The following PCNT variants were observed in gnomAD, a reference collection of about 807,000 sequenced individuals.
PCNT encodes kendrin.
PCNT carries 319 observed loss-of-function variants against 380.4 expected under a neutral mutation model. That is an observed-to-expected ratio of 0.84 (90% CI 0.77 to 0.92). PCNT has a LOEUF of 0.92. PCNT is among the 40% of genes least tolerant of loss of function. The probability of loss-of-function intolerance (pLI) is 0.00; values close to 1 mark genes in which losing one functional copy is unlikely to be tolerated. For synonymous variants in PCNT, 1,845 were observed against 1,735.2 expected, an observed-to-expected ratio of 1.06 and a Z score of -1.57; for missense variants, 4,400 against 4,255.3, an observed-to-expected ratio of 1.03 and a Z score of -0.95.
chr21:46,398,173 A>G (rs1376043063), intron 23 of PCNT, 43 bp downstream of exon 23: 6 of 1,606,924 alleles, frequency 3.7e-6, no homozygotes, highest in Non-Finnish European at 5.1e-6. Flanking sequence ...GCTGTCTTTC[A>G]CTGTGTTTTT....
chr21:46,358,447 G>A (rs2084558818), intron 13 of PCNT, among the ~76,000 whole-genome samples: 1 of 152,226 alleles, frequency 6.6e-6, no homozygotes, highest in African/African-American at 2.4e-5. Flanking sequence ...GTGTTGGTAA[G>A]GACTTCCAGC....
intron 15 of PCNT, among the ~76,000 whole-genome samples, chr21:46,377,979 G>A (rs937276953): frequency 1.3e-5 from 2 of 152,064 alleles, no homozygotes; most frequent in Non-Finnish European, 2.9e-5. Flanking sequence ...GTGTGCCCTC[G>A]GTGTCCGCGG....
intron 10 of PCNT, 50 bp downstream of exon 10, chr21:46,353,376 G>A: frequency 6.8e-7 from 1 of 1,470,394 alleles, no homozygotes; most frequent in South Asian, 1.1e-5. Context: ...ACAGGGGCCA[G>A]GCTCTGAGTT....
At chr21:46,324,761 T>A (rs1381139269) in intron 1 of PCNT, 1 of 530,594 alleles carries the variant, frequency 1.9e-6, no homozygotes, top group Non-Finnish European at 2.4e-6. Flanking sequence ...TTCGGGTGGC[T>A]GCTTGGTCTA....
rs2064671624 is a variant in PCNT at position 46,445,425 on chromosome 21, C to G, written c.*98C>G. ...AGCTCGTGGGACAGCATGGGCACTACTCTTCATGTGCGGTGACACCAGCCC... is the reference window on the plus strand; with the variant it reads ...AGCTCGTGGGACAGCATGGGCACTAGTCTTCATGTGCGGTGACACCAGCCC... On this transcript the variant is annotated 3_prime_UTR_variant, in exon 47 of 47. Coordinates refer to ENST00000359568, the MANE Select transcript of PCNT (RefSeq NM_006031.6). 2 of 928,664 alleles carry G rather than the reference C, an allele frequency of 2.2e-6. No homozygotes were observed. The highest frequency in any genetic ancestry group is 1.3e-5 in the South Asian group (1 of 77,400). 57.5% of individuals were successfully genotyped at this position (928,664 alleles called of 1,614,324 possible).
At chr21:46,442,422 C>A in intron 43 of PCNT, 75 bp from the exon 44 acceptor site, 2 of 901,614 alleles carry the variant, frequency 2.2e-6, no homozygotes, top group Non-Finnish European at 3.6e-6. Context: ...TGTTTGGTCA[C>A]AGTGGGGTTT....
Position 46,349,150 on chromosome 21 carries a change from T to C in PCNT, c.1171T>C (p.Leu391=), listed in dbSNP as rs187372555. 2.4e-5 allele frequency: 38 copies of C among 1,613,712 alleles called. 1 individual carries two copies. Among genetic ancestry groups the C allele is most frequent in the African/African-American group, 5.3e-5 (4 of 74,924 alleles). ...QKELAEQRAE[L]EKIFQDKNQA... ...AGAATTGGCAGAACAGAGAGCTGAG[T>C]TGGAGAAGATTTTTCAAGACAAAAA... is the stretch of plus-strand genomic sequence containing the variant. The change falls in exon 7 of 47, where the codon TTG becomes CTG. Residue 391 remains leucine (L), a synonymous_variant. Transcript: ENST00000359568.
Position 46,389,182 on chromosome 21 carries a change from A to G in PCNT, c.3608-17A>G, listed in dbSNP as rs1470663386. The G allele has an allele frequency of 6.2e-7, 1 of 1,610,992 alleles. No homozygotes were observed. The highest frequency in any genetic ancestry group is 1.1e-5 in the South Asian group (1 of 91,000). ...TGCTCACTGAGCCGCGTGTGCCGGC[A>G]TCTGCTCATCTTGTAGCTCCGGCGC... On this transcript the variant is annotated splice_polypyrimidine_tract_variant and intron_variant, in intron 18 of 46. Transcript: ENST00000359568.
At chr21:46,418,481 G>C (rs919830450) in intron 31 of PCNT, among the ~76,000 whole-genome samples, 175 bp downstream of exon 31, 2 of 152,178 alleles carry the variant, frequency 1.3e-5, no homozygotes, top group Non-Finnish European at 2.9e-5. Context: ...CTGAAAACAC[G>C]CCTGTACCTT....
At position 46,326,468 on chromosome 21, in the gene PCNT, C is replaced by G. The variant is rs754463655; in HGVS notation, c.146C>G (p.Ser49Cys). 2 of 1,614,236 alleles carry G rather than the reference C, an allele frequency of 1.2e-6. No individual in the cohort carries two copies. The highest frequency in any genetic ancestry group is 4.5e-5 in the East Asian group (2 of 44,892). Residue 49 changes from serine (S) to cysteine (C), a missense_variant, in exon 2 of 47, where the codon TCT (serine) becomes TGT (cysteine). Ser to Cys is a moderately radical substitution (Grantham distance 112). Transcript: ENST00000359568. ...AGGAAGGGCTCGGCTGTCGATGCGT[C>G]TGTCCAGGAGGAGAGTCCGGTAACC... ...AKRKGSAVDASVQEESPVTKE... is the reference protein window; with the variant it reads ...AKRKGSAVDACVQEESPVTKE...
chr21:46,401,781 C>T, intron 26 of PCNT, 60 bp downstream of exon 26: 5 of 1,519,044 alleles, frequency 3.3e-6, no homozygotes, highest in East Asian at 2.3e-5. Context: ...GTGGGCTTCT[C>T]TGTGGCAGAT....
In PCNT at chr21:46,411,931, G is replaced by A. The variant is rs34268261; in HGVS notation, c.5858G>A (p.Arg1953His). The change falls in exon 28 of 47, where the codon CGC (arginine) becomes CAC (histidine). Residue 1953 changes from arginine (R) to histidine (H), a missense_variant. Arg to His is a conservative substitution (Grantham distance 29). Coordinates refer to ENST00000359568, the MANE Select transcript of PCNT (RefSeq NM_006031.6). ...CQVELDRRQA[R>H]RATAHTRVPG... ...GTGGAGCTGGACAGGCGGCAGGCCCGCAGAGCCACAGCTCACACACGGGTG... is the reference window on the plus strand; with the variant it reads ...GTGGAGCTGGACAGGCGGCAGGCCCACAGAGCCACAGCTCACACACGGGTG... 86,111 of 1,592,096 alleles carry A rather than the reference G, an allele frequency of 0.054. 2,654 individuals are homozygous for A. The highest frequency in any genetic ancestry group is 0.061 in the Non-Finnish European group (71,574 of 1,176,900).
chr21:46,367,123 T>C lies in PCNT; in HGVS notation c.3149T>C (p.Leu1050Pro), dbSNP rs1396312660. ...CTCGCCGGAACCGTGGCTCACGAGC[T>C]GCAGGGAGTGCACCAGGTAAGGCGC... ...TELAGTVAHE[L>P]QGVHQGEFGS... The change falls in exon 15 of 47, where the codon CTG becomes CCG. Residue 1050 changes from leucine to proline, a missense_variant. Leu to Pro is a moderately conservative substitution (Grantham distance 98). Transcript: ENST00000359568. The C allele has an allele frequency of 6.2e-7, 1 of 1,612,844 alleles. No individual in the cohort carries two copies. Among genetic ancestry groups the C allele is most frequent in the Non-Finnish European group, 8.5e-7 (1 of 1,179,982 alleles).
At position 46,337,132 on chromosome 21, in the gene PCNT, C is replaced by T. The variant is rs887080365; in HGVS notation, c.639+2364C>T. ...CCTGCCTCAGCCTCTCTAGTAGCTG[C>T]GATTACAAGTGCTGCCACCATGCCT... On this transcript the variant is annotated intron_variant, in intron 3 of 46. Coordinates refer to ENST00000359568, the MANE Select transcript of PCNT (RefSeq NM_006031.6). Among the ~76,000 whole-genome samples the T allele has an allele frequency of 1.4e-4, 22 of 151,968 alleles. No homozygotes were observed. In the East Asian group the frequency reaches 3.7e-3, roughly 25 times the overall value.
At position 46,425,512 on chromosome 21, in the gene PCNT, C is replaced by T. The variant is rs2087456800; in HGVS notation, c.7180-319C>T. On this transcript the variant is annotated intron_variant, in intron 32 of 46. Coordinates refer to ENST00000359568, the MANE Select transcript of PCNT (RefSeq NM_006031.6). This position sits in a 1 kb window ranked among gnomAD's most constrained non-coding sequence, Gnocchi z 4.2. ...AGCCCTGCCCTGAGCTTTGTCCAGGCTTAGGCGGGGGACGGTGTCCCCCTC... is the reference window on the plus strand; with the variant it reads ...AGCCCTGCCCTGAGCTTTGTCCAGGTTTAGGCGGGGGACGGTGTCCCCCTC... Among the ~76,000 whole-genome samples, 1 of 152,240 alleles carries T rather than the reference C, an allele frequency of 6.6e-6. No homozygotes were observed. The highest frequency in any genetic ancestry group is 1.5e-5 in the Non-Finnish European group (1 of 68,046).
intron 31 of PCNT, among the ~76,000 whole-genome samples, chr21:46,418,812 G>A (rs193039716): frequency 9.4e-4 from 143 of 152,366 alleles, no homozygotes; most frequent in Non-Finnish European, 1.8e-3. Context: ...CCGAGGGGCC[G>A]CTGACTGTGG....
intron 14 of PCNT, among the ~76,000 whole-genome samples, chr21:46,364,509 C>T (rs2084831602): frequency 6.6e-6 from 1 of 152,254 alleles, no homozygotes; most frequent in Non-Finnish European, 1.5e-5. Flanking sequence ...GAAGCTAAAC[C>T]TCTTTTATAG....
chr21:46,347,587 G>A (rs1251420143), intron 6 of PCNT, 75 bp downstream of exon 6: 14 of 1,349,038 alleles, frequency 1.0e-5, no homozygotes, highest in Non-Finnish European at 1.5e-5. Context: ...CCATGAGAAC[G>A]CTCCTCACCT....
chr21:46,425,896 C>A lies in PCNT; in HGVS notation c.7245C>A (p.Pro2415=). Residue 2415 remains proline, a synonymous_variant, in exon 33 of 47, where the codon CCC becomes CCA. Coordinates refer to ENST00000359568, the MANE Select transcript of PCNT (RefSeq NM_006031.6). The surrounding 1 kb of genome is among the most constrained non-coding windows in gnomAD (Gnocchi z 4.2). ...QILALSEGLA[P]PSGEPHPPRK... ...TGGCGCTGTCAGAAGGCCTTGCACCCCCAAGCGGCGAGCCACACCCACCCC... is the reference window on the plus strand; with the variant it reads ...TGGCGCTGTCAGAAGGCCTTGCACCACCAAGCGGCGAGCCACACCCACCCC... 6.2e-7 allele frequency: 1 copy of A among 1,613,920 alleles called. No individual in the cohort carries two copies. The highest frequency in any genetic ancestry group is 8.5e-7 in the Non-Finnish European group (1 of 1,180,006).
Sources: allele counts gnomAD v4.1 joint callset (sites outside exome capture counted in the v4.1 genomes callset), GRCh38; gene constraint gnomAD v4.1.1; non-coding constraint Gnocchi (gnomAD v3.1); transcripts MANE v1.5; gene names NCBI Gene and HGNC (gene_info 2026-07-23, HGNC 2026-07-21).